Variants in RPRD1B observed in about 807,000 individuals in gnomAD.
RPRD1B encodes regulation of nuclear pre-mRNA domain-containing protein 1B.
In RPRD1B, 11 loss-of-function variants were observed where a neutral mutation model predicts 41.5. The ratio of observed to expected loss-of-function variants is 0.27; its 90% CI spans 0.17 to 0.44. The LOEUF (loss-of-function observed/expected upper bound fraction) is 0.44, where lower values mean the gene tolerates loss of function less well. RPRD1B is among the 20% of genes least tolerant of loss of function. The pLI, the probability that RPRD1B is intolerant of heterozygous loss-of-function variation, is 1.00. For synonymous variants in RPRD1B, 158 were observed against 155.6 expected (o/e 1.02, Z -0.12); for missense variants, 248 against 389.9 (o/e 0.64, Z 3.06).
chr20:38,070,754 T>G, intron 6 of RPRD1B: 1 of 981,628 alleles, frequency 1.0e-6, no homozygotes, highest in Non-Finnish European at 1.2e-6. Context: ...TTTTTTTTTT[T>G]TTTGAGACAG....
At chr20:38,074,380 T>C (rs781332408) in intron 6 of RPRD1B, among the ~76,000 whole-genome samples, 6 of 152,210 alleles carry the variant, frequency 3.9e-5, no homozygotes, top group Admixed American at 6.5e-5. Flanking sequence ...ATGATACTTA[T>C]TTTTCACTCC....
chr20:38,050,881 GACTC>G (rs367749307), intron 3 of RPRD1B, among the ~76,000 whole-genome samples: 2 of 152,208 alleles, frequency 1.3e-5, no homozygotes, highest in African/African-American at 4.8e-5. Flanking sequence ...AGTCCCAGCT[GACTC>G]ACTCTGTCTT....
rs1339508647 is a variant in RPRD1B at position 38,033,926 on chromosome 20, G to T, written c.-22G>T. Reference sequence around the variant, plus strand: ...CACTGGGCGGCCCAGGCCGCTCCCTGCCGGGCCTCACTGCCGCCACCATGT... The same window carrying T: ...CACTGGGCGGCCCAGGCCGCTCCCTTCCGGGCCTCACTGCCGCCACCATGT... On this transcript the variant is annotated 5_prime_UTR_variant, in exon 1 of 7. Transcript: ENST00000373433. 2 of 1,597,086 alleles carry T rather than the reference G, an allele frequency of 1.3e-6. No individual in the cohort carries two copies. Among genetic ancestry groups the T allele is most frequent in the Middle Eastern group, 1.7e-4 (1 of 5,996 alleles).
chr20:38,057,613 C>G lies in RPRD1B; in HGVS notation c.497C>G (p.Ser166Cys), dbSNP rs1408955312. Residue 166 changes from serine (S) to cysteine (C), a missense_variant, in exon 4 of 7, where the codon TCT becomes TGT. Ser to Cys is a moderately radical substitution (Grantham distance 112, BLOSUM62 -1). Coordinates refer to ENST00000373433, the MANE Select transcript of RPRD1B (RefSeq NM_021215.4). ...EEDDDYPGSY[S>C]PQDPSAGPLL... ...GATGACGACTACCCTGGCAGCTACT[C>G]TCCTCAGGATCCTTCTGCAGGACCC... The G allele has an allele frequency of 1.2e-6, 2 of 1,614,104 alleles. No homozygotes were observed. The highest frequency in any genetic ancestry group is 2.2e-5 in the East Asian group (1 of 44,888).
intron 1 of RPRD1B, among the ~76,000 whole-genome samples, chr20:38,036,383 C>G (rs1439840486): frequency 1.3e-5 from 2 of 152,202 alleles, no homozygotes; most frequent in Non-Finnish European, 2.9e-5. Context: ...GGTCACCTGA[C>G]TGCAATCAAA....
At position 38,089,783 on chromosome 20, in the gene RPRD1B, A is replaced by G; in HGVS notation, c.889A>G (p.Ile297Val). Residue 297 changes from isoleucine (I) to valine (V), a missense_variant, in exon 7 of 7, where the codon ATT becomes GTT. Around this residue, in one of 5 missense-constraint regions of RPRD1B, gnomAD observed 93 missense variants for 167.2 expected, o/e 0.56. Transcript: ENST00000373433. ...GGTCCGCAAGGAACTGAAATCCCAT[A>G]TTCAGAGCTTGCCAGACCTCTCACT... ...TQVRKELKSH[I>V]QSLPDLSLLP... 2 of 1,614,180 alleles carry G rather than the reference A, an allele frequency of 1.2e-6. No individual in the cohort carries two copies. The highest frequency in any genetic ancestry group is 1.7e-6 in the Non-Finnish European group (2 of 1,180,026).
chr20:38,041,299 G>A (rs775188474), intron 2 of RPRD1B, among the ~76,000 whole-genome samples: 8 of 152,126 alleles, frequency 5.3e-5, no homozygotes, highest in Non-Finnish European at 1.0e-4. Flanking sequence ...TTTGCAAAAG[G>A]AATTGGGAAA....
Position 38,091,110 on chromosome 20 carries a change from G to T in RPRD1B, c.*1235G>T. 4 of 985,824 alleles carry T rather than the reference G, an allele frequency of 4.1e-6. No individual in the cohort carries two copies. The highest frequency in any genetic ancestry group is 3.6e-6 in the Non-Finnish European group (3 of 829,920). The allele number at this position is 985,824 out of a possible 1,614,324, so 61.1% of individuals were successfully genotyped here. ...ATAGTAAAGGTTCAGCCTGCCAATTGTAAATCATTCTAATTTGGCAGGCTT... is the reference window on the plus strand; with the variant it reads ...ATAGTAAAGGTTCAGCCTGCCAATTTTAAATCATTCTAATTTGGCAGGCTT... On this transcript the variant is annotated 3_prime_UTR_variant, in exon 7 of 7. Transcript: ENST00000373433.
At chr20:38,051,835 TCTGC>T (rs141354227) in intron 3 of RPRD1B, among the ~76,000 whole-genome samples, 2,358 of 152,274 alleles carry the variant, frequency 0.015, 53 homozygotes, top group African/African-American at 0.055. Flanking sequence ...CACCGCAACC[TCTGC>T]CTCCCAGGTT....
chr20:38,059,546 G>A (rs1365822335), intron 5 of RPRD1B, 26 bp downstream of exon 5: 3 of 1,611,482 alleles, frequency 1.9e-6, no homozygotes, highest in East Asian at 4.5e-5. Context: ...TTGGGTGAAA[G>A]GTGAGGAGAG....
intron 1 of RPRD1B, among the ~76,000 whole-genome samples, chr20:38,034,723 CCT>C (rs767598802): frequency 1.3e-5 from 2 of 151,966 alleles, no homozygotes; most frequent in Non-Finnish European, 2.9e-5. Flanking sequence ...CCAGACCTTA[CCT>C]CTCCTCTCCT....
At position 38,091,679 on chromosome 20, in the gene RPRD1B, A is replaced by G; in HGVS notation, c.*1804A>G. 2 of 985,552 alleles carry G rather than the reference A, an allele frequency of 2.0e-6. No individual in the cohort carries two copies. The highest frequency in any genetic ancestry group is 2.4e-6 in the Non-Finnish European group (2 of 829,988). 61.1% of individuals were successfully genotyped at this position (985,552 alleles called of 1,614,324 possible). A position where few individuals can be genotyped will look rare whatever the true frequency, so the allele number is the denominator to read the frequency against. On this transcript the variant is annotated 3_prime_UTR_variant, in exon 7 of 7. Transcript: ENST00000373433. ...TGCTTTCTAGATGAGCGTGTTTTGG[A>G]GCAGGCCCATCTGGGACACTCTATG...
chr20:38,084,305 A>G (rs962643504), intron 6 of RPRD1B, among the ~76,000 whole-genome samples: 1 of 151,834 alleles, frequency 6.6e-6, no homozygotes, highest in African/African-American at 2.4e-5. Flanking sequence ...ACCCTTTATG[A>G]CTCTTAATTG....
intron 3 of RPRD1B, among the ~76,000 whole-genome samples, chr20:38,051,677 A>G (rs2074186144): frequency 6.6e-6 from 1 of 152,182 alleles, no homozygotes; most frequent in African/African-American, 2.4e-5. Flanking sequence ...TTTGGTAGGA[A>G]TTTGTGAGTA....
At chr20:38,086,808 A>G (rs1210337289) in intron 6 of RPRD1B, among the ~76,000 whole-genome samples, 5 of 152,184 alleles carry the variant, frequency 3.3e-5, no homozygotes, top group Non-Finnish European at 7.3e-5. Flanking sequence ...TGGCCTGAAG[A>G]GTGGAACACA....
At chr20:38,038,393 T>A (rs1028611398) in intron 1 of RPRD1B, among the ~76,000 whole-genome samples, 1 of 149,400 alleles carries the variant, frequency 6.7e-6, no homozygotes, top group Non-Finnish European at 1.5e-5. Context: ...CACTGCAACC[T>A]CCGCCTCCCA....
intron 5 of RPRD1B, among the ~76,000 whole-genome samples, chr20:38,062,841 T>C (rs1488298145): frequency 3.9e-4 from 18 of 45,680 alleles, no homozygotes; most frequent in Middle Eastern, 0.019. Context: ...CCCCCCCCTT[T>C]TTTTTTTTTT....
chr20:38,056,084 C>T (rs946585406), intron 3 of RPRD1B, among the ~76,000 whole-genome samples: 1 of 152,080 alleles, frequency 6.6e-6, no homozygotes, highest in Non-Finnish European at 1.5e-5. Context: ...TAGACAGAAT[C>T]ATTAAGAAGA....
At chr20:38,055,889 G>C (rs992510842) in intron 3 of RPRD1B, among the ~76,000 whole-genome samples, 4 of 152,146 alleles carry the variant, frequency 2.6e-5, no homozygotes, top group Non-Finnish European at 5.9e-5. Flanking sequence ...GCTGAAGTTA[G>C]CAGCAAAATT....
Sources: gnomAD v4.1 joint callset for allele counts (sites outside exome capture counted in the v4.1 genomes callset) on GRCh38, gnomAD v4.1.1 for gene constraint, gnomAD v4.1.1 regional missense constraint, MANE v1.5 for transcripts, NCBI Gene and HGNC (gene_info 2026-07-23, HGNC 2026-07-21) for gene names.